The following INTS3 variants were observed in gnomAD, a reference collection of about 807,000 sequenced individuals.
INTS3 encodes the protein SOSS complex subunit A.
A neutral mutation model predicts 146.3 loss-of-function variants in INTS3; 34 were observed. The ratio of observed to expected loss-of-function variants is 0.23; its 90% CI spans 0.18 to 0.31. The LOEUF (loss-of-function observed/expected upper bound fraction) is 0.31. INTS3 is among the 10% of genes least tolerant of loss of function. INTS3 has a pLI of 1.00. For missense variants in INTS3, 757 were observed against 1,304.2 expected, an observed-to-expected ratio of 0.58 and a Z score of 6.46; for synonymous variants, 475 against 494.9, an observed-to-expected ratio of 0.96 and a Z score of 0.53.
chr1:153,745,987 A>G (rs986483491), intron 3 of INTS3, among the ~76,000 whole-genome samples: 19 of 152,160 alleles, frequency 1.2e-4, no homozygotes, highest in African/African-American at 4.3e-4. Context: ...TGCCTGTAGT[A>G]CCAGCTACGC....
chr1:153,746,772 G>A, intron 3 of INTS3, 185 bp from the exon 4 acceptor site: 1 of 571,428 alleles, frequency 1.7e-6, no homozygotes. Flanking sequence ...CAGAACAAGG[G>A]ATAGGTTGGG....
chr1:153,752,909 G>A (rs545286159), intron 8 of INTS3, among the ~76,000 whole-genome samples: 68 of 152,170 alleles, frequency 4.5e-4, no homozygotes, highest in African/African-American at 1.4e-3. Flanking sequence ...GCCTCCTCCC[G>A]ACAAGGTCCT....
chr1:153,770,118 AT>A (rs1672774617), intron 23 of INTS3, 79 bp from the exon 24 acceptor site: 2 of 344,202 alleles, frequency 5.8e-6, no homozygotes, highest in African/African-American at 7.4e-5. Context: ...TAGTCAGTGG[AT>A]GGGGGGGTGG....
intron 3 of INTS3, 158 bp from the exon 4 acceptor site, chr1:153,746,799 G>A (rs2101797750): frequency 1.7e-6 from 1 of 592,170 alleles, no homozygotes; most frequent in Non-Finnish European, 3.0e-6. Flanking sequence ...GGACCCCTGT[G>A]GAAAGAAAGT....
chr1:153,773,102 CA>C (rs1672975971), intron 29 of INTS3, 21 bp downstream of exon 29: 1 of 1,614,110 alleles, frequency 6.2e-7, no homozygotes, highest in East Asian at 2.2e-5. Context: ...AGCCAGTGCA[CA>C]GGGGGAAAAG....
At chr1:153,770,065 GT>G in intron 23 of INTS3, 132 bp from the exon 24 acceptor site, 1 of 204,568 alleles carries the variant, frequency 4.9e-6, no homozygotes, top group East Asian at 7.7e-5. Flanking sequence ...TGGGGTGTGT[GT>G]GTGTGTGTGT....
intron 25 of INTS3, among the ~76,000 whole-genome samples, chr1:153,771,406 G>T (rs1287372258): frequency 6.6e-6 from 1 of 152,190 alleles, no homozygotes; most frequent in Non-Finnish European, 1.5e-5. Flanking sequence ...ACCCTCTCCT[G>T]CCCCCTTCCT....
chr1:153,732,519 A>G (rs1256655450), intron 1 of INTS3, among the ~76,000 whole-genome samples: 2 of 151,018 alleles, frequency 1.3e-5, no homozygotes, highest in Non-Finnish European at 2.9e-5. Context: ...GATCTCAGCT[A>G]ACTGAAACCT....
chr1:153,728,281 G>C lies in INTS3; in HGVS notation c.-354G>C. ...CACGGGGAAAAGAGGCAGAAACTTA[G>C]GGGTTTCCCTCCTTTCTTAGGGTCA... On this transcript the variant is annotated 5_prime_UTR_variant, in exon 1 of 30. Transcript: ENST00000318967. 2.6e-6 allele frequency: 1 copy of C among 389,850 alleles called. No homozygotes were observed. The highest frequency in any genetic ancestry group is 4.5e-6 in the Non-Finnish European group (1 of 220,888). The allele number at this position is 389,850 out of a possible 1,614,324, so 24.1% of individuals were successfully genotyped here.
chr1:153,764,077 G>A (rs775592177), intron 17 of INTS3, 41 bp from the exon 18 acceptor site: 2 of 1,519,116 alleles, frequency 1.3e-6, no homozygotes, highest in Non-Finnish European at 1.8e-6. Flanking sequence ...GGAGGGCTTG[G>A]GTGTAGGTAG....
Position 153,771,818 on chromosome 1 carries a change from A to C in INTS3, c.2575A>C (p.Met859Leu), listed in dbSNP as rs774237877. Residue 859 changes from methionine to leucine, a missense_variant, in exon 26 of 30, where the codon ATG (methionine) becomes CTG (leucine). This residue lies in a region of INTS3 where 116 missense variants were observed against 226.5 expected (regional missense o/e 0.51). Coordinates refer to ENST00000318967, the MANE Select transcript of INTS3 (RefSeq NM_023015.5). Reference sequence around the variant, plus strand: ...CAGGCCCAGCGAGGAGATGGTGAAGATGGTGCTGAGCCGGCCCTGCCATCC... The same window carrying C: ...CAGGCCCAGCGAGGAGATGGTGAAGCTGGTGCTGAGCCGGCCCTGCCATCC... The part of the protein sequence containing the change: ...REKPSEEMVK[M>L]VLSRPCHPDD... 1 of 1,613,266 alleles carries C rather than the reference A, an allele frequency of 6.2e-7. No individual in the cohort carries two copies. Among genetic ancestry groups the C allele is most frequent in the Non-Finnish European group, 8.5e-7 (1 of 1,179,566 alleles).
Position 153,764,932 on chromosome 1 carries a change from C to T in INTS3, c.1971-12C>T. The T allele has an allele frequency of 6.2e-7, 1 of 1,614,038 alleles. No individual in the cohort carries two copies. The highest frequency in any genetic ancestry group is 1.1e-5 in the South Asian group (1 of 91,072). On this transcript the variant is annotated splice_polypyrimidine_tract_variant and intron_variant, in intron 19 of 29. Coordinates refer to ENST00000318967, the MANE Select transcript of INTS3 (RefSeq NM_023015.5). ...AAAGTTCTGTTCCTCTCCTCCCATG[C>T]CCCACCTCCAGGAACCTATGTCAGA...
At chr1:153,750,484 G>A (rs1393146918) in intron 6 of INTS3, among the ~76,000 whole-genome samples, 2 of 152,166 alleles carry the variant, frequency 1.3e-5, no homozygotes, top group Non-Finnish European at 2.9e-5. Context: ...GTGACTCATT[G>A]TGTGGGAGTG....
chr1:153,745,688 G>A (rs1671705900), intron 3 of INTS3, among the ~76,000 whole-genome samples: 1 of 151,520 alleles, frequency 6.6e-6, no homozygotes, highest in South Asian at 2.1e-4. Flanking sequence ...GGGAAGGGAA[G>A]CAATAATCTC....
chr1:153,751,029 A>C lies in INTS3; in HGVS notation c.585-66A>C, dbSNP rs1671938265. The C allele has an allele frequency of 2.6e-6, 4 of 1,517,148 alleles. No homozygotes were observed. The Admixed American group carries it at 7.5e-5, about 29-fold the overall frequency. 94.0% of individuals were successfully genotyped at this position (1,517,148 alleles called of 1,614,324 possible). Reference sequence around the variant, plus strand: ...TGAGGCACTGTAGCCAAGCCCAAGAAGCGTGAATTGGGAGGGTGAATAGTT... The same window carrying C: ...TGAGGCACTGTAGCCAAGCCCAAGACGCGTGAATTGGGAGGGTGAATAGTT... On this transcript the variant is annotated intron_variant, in intron 6 of 29. Coordinates refer to ENST00000318967, the MANE Select transcript of INTS3 (RefSeq NM_023015.5).
intron 4 of INTS3, 98 bp downstream of exon 4, chr1:153,747,168 C>G: frequency 8.0e-7 from 1 of 1,245,918 alleles, no homozygotes; most frequent in South Asian, 1.2e-5. Flanking sequence ...TAACACACCC[C>G]TATCATTGTG....
At chr1:153,731,773 G>A (rs1318754605) in intron 1 of INTS3, among the ~76,000 whole-genome samples, 1 of 150,706 alleles carries the variant, frequency 6.6e-6, no homozygotes, top group East Asian at 1.9e-4. Context: ...TTTTAGTAGA[G>A]ACAGGGTTTC....
chr1:153,761,133 C>G (rs1672367164), intron 13 of INTS3: 1 of 1,285,046 alleles, frequency 7.8e-7, no homozygotes, highest in East Asian at 2.6e-5. Flanking sequence ...TTCATGTTCC[C>G]TGTTGACCCC....
In INTS3 at chr1:153,769,980, G is replaced by A. The variant is rs577399760; in HGVS notation, c.2389+136G>A. The A allele has an allele frequency of 1.2e-4, 88 of 720,928 alleles. 2 individuals are homozygous for A. The highest frequency in any genetic ancestry group is 7.2e-4 in the South Asian group (45 of 62,522). The allele number at this position is 720,928 out of a possible 1,614,324, so 44.7% of individuals were successfully genotyped here. On this transcript the variant is annotated intron_variant, in intron 23 of 29. Coordinates refer to ENST00000318967, the MANE Select transcript of INTS3 (RefSeq NM_023015.5). ...AGAGAATTGTACTCCACCCTGGTGC[G>A]GTCTGGGGCAGTATCTTTCTGGATC...
Sources: allele counts gnomAD v4.1 joint callset (sites outside exome capture counted in the v4.1 genomes callset), GRCh38; gene constraint gnomAD v4.1.1; regional missense constraint gnomAD v4.1.1; transcripts MANE v1.5; gene names NCBI Gene and HGNC (gene_info 2026-07-23, HGNC 2026-07-21).